Variants in SPOP observed in about 807,000 individuals in gnomAD.
SPOP encodes the protein speckle-type POZ protein.
SPOP carries 11 observed loss-of-function variants against 45.6 expected under a neutral mutation model. The observed-to-expected ratio is 0.24, with a 90% CI of 0.15 to 0.40. The LOEUF is 0.40. Among genes scored for constraint, SPOP ranks in the 10% least tolerant of loss-of-function variants. The pLI is 1.00. For missense variants in SPOP, 152 were observed against 465.6 expected (o/e 0.33, Z 6.20); for synonymous variants, 166 against 166.3 (o/e 1.00, Z 0.01).
intron 8 of SPOP, chr17:49,602,231 A>T (rs1014794873): frequency 1.3e-5 from 6 of 452,920 alleles, no homozygotes; most frequent in Non-Finnish European, 1.9e-5. Context: ...AGCTGCCATT[A>T]GAGTTCTAAA....
intron 1 of SPOP, among the ~76,000 whole-genome samples, chr17:49,628,609 T>C (rs2072386524): frequency 6.6e-6 from 1 of 152,100 alleles, no homozygotes; most frequent in African/African-American, 2.4e-5. Context: ...AGCACTGACA[T>C]GACATGCTCG....
intron 1 of SPOP, among the ~76,000 whole-genome samples, chr17:49,659,161 C>T (rs1326121356): frequency 1.3e-5 from 2 of 152,272 alleles, no homozygotes; most frequent in South Asian, 2.1e-4. Context: ...GGGGATGTTG[C>T]TATTTTCATA....
At chr17:49,677,622 C>T (rs2073218811) in intron 1 of SPOP, among the ~76,000 whole-genome samples, 1 of 151,438 alleles carries the variant, frequency 6.6e-6, no homozygotes. Context: ...CGCGCATGCG[C>T]AGTCACCCAT....
At chr17:49,609,596 T>G (rs944640955) in intron 6 of SPOP, among the ~76,000 whole-genome samples, 3 of 152,034 alleles carry the variant, frequency 2.0e-5, no homozygotes, top group African/African-American at 7.2e-5. Flanking sequence ...AACCAGAGAA[T>G]CAGGAGAGAG....
intron 1 of SPOP, among the ~76,000 whole-genome samples, chr17:49,637,856 A>G (rs2072571882): frequency 6.6e-6 from 1 of 152,248 alleles, no homozygotes; most frequent in Non-Finnish European, 1.5e-5. Flanking sequence ...GCATTTAAAC[A>G]AAGCCATGTA....
At chr17:49,675,181 A>G (rs749543409) in intron 1 of SPOP, among the ~76,000 whole-genome samples, 5 of 152,242 alleles carry the variant, frequency 3.3e-5, no homozygotes, top group Admixed American at 6.5e-5. Context: ...TGTACACAGA[A>G]TAAGTACATA....
At chr17:49,613,418 G>A (rs1040066319) in intron 5 of SPOP, among the ~76,000 whole-genome samples, 1 of 152,174 alleles carries the variant, frequency 6.6e-6, no homozygotes, top group Admixed American at 6.5e-5. Flanking sequence ...AGGTTGACAG[G>A]AGCCCAAAGT....
intron 1 of SPOP, among the ~76,000 whole-genome samples, chr17:49,625,232 C>T (rs1292585487): frequency 6.6e-6 from 1 of 152,166 alleles, no homozygotes; most frequent in Non-Finnish European, 1.5e-5. Context: ...AAACTAGAAA[C>T]ACACTGAAAA....
At chr17:49,651,057 CCA>C (rs1011000967) in intron 1 of SPOP, among the ~76,000 whole-genome samples, 29 of 152,108 alleles carry the variant, frequency 1.9e-4, no homozygotes, top group African/African-American at 6.8e-4. Context: ...TACTATCTCC[CCA>C]CAGTTATGTG....
chr17:49,667,768 A>G (rs1225709933), intron 1 of SPOP, among the ~76,000 whole-genome samples: 2 of 152,242 alleles, frequency 1.3e-5, no homozygotes, highest in Non-Finnish European at 2.9e-5. Flanking sequence ...AAGAACTGAA[A>G]GCAGGGTCTC....
chr17:49,627,698 G>A (rs558635230), intron 1 of SPOP, among the ~76,000 whole-genome samples: 3 of 152,270 alleles, frequency 2.0e-5, no homozygotes, highest in Admixed American at 1.3e-4. Flanking sequence ...TGCCTTAATT[G>A]TTGTTACTCA....
intron 1 of SPOP, chr17:49,636,829 T>C (rs1283163446): frequency 6.6e-6 from 1 of 152,212 alleles, no homozygotes; most frequent in African/African-American, 2.4e-5. Context: ...ATAGAGAATA[T>C]GAATCAGACT....
At chr17:49,659,941 A>G (rs1479796339) in intron 1 of SPOP, among the ~76,000 whole-genome samples, 2 of 152,132 alleles carry the variant, frequency 1.3e-5, no homozygotes, top group African/African-American at 4.8e-5. Flanking sequence ...CCTCTTCCTC[A>G]ACCCCCACAC....
At chr17:49,627,328 T>C (rs1373616714) in intron 1 of SPOP, among the ~76,000 whole-genome samples, 1 of 152,226 alleles carries the variant, frequency 6.6e-6, no homozygotes, top group African/African-American at 2.4e-5. Context: ...ACCTCCAAGA[T>C]AGGCTTGCAT....
At chr17:49,668,777 T>A (rs2073096321) in intron 1 of SPOP, among the ~76,000 whole-genome samples, 1 of 146,136 alleles carries the variant, frequency 6.8e-6, no homozygotes, top group South Asian at 2.1e-4. Context: ...ATACATATCT[T>A]TTTTTTTTTT....
chr17:49,640,853 CG>C (rs1475382076), intron 1 of SPOP, among the ~76,000 whole-genome samples: 1 of 152,112 alleles, frequency 6.6e-6, no homozygotes, highest in Non-Finnish European at 1.5e-5. Flanking sequence ...GAGCATTGTA[CG>C]TGTCATTTTC....
At chr17:49,639,520 C>T (rs552805928) in intron 1 of SPOP, among the ~76,000 whole-genome samples, 170 of 152,212 alleles carry the variant, frequency 1.1e-3, no homozygotes, top group Admixed American at 2.4e-3. Context: ...GTGGTATATT[C>T]ATATAACAGA....
intron 1 of SPOP, among the ~76,000 whole-genome samples, chr17:49,652,732 A>G (rs2072858868): frequency 6.6e-6 from 1 of 152,212 alleles, no homozygotes; most frequent in African/African-American, 2.4e-5. Flanking sequence ...TAGAATAGTC[A>G]GCTAGGAATT....
intron 1 of SPOP, among the ~76,000 whole-genome samples, chr17:49,657,364 T>C (rs570396246): frequency 1.3e-5 from 2 of 152,282 alleles, no homozygotes; most frequent in South Asian, 4.1e-4. Context: ...ATATGATTGA[T>C]GTATAAAGAT....
Sources: gnomAD v4.1 joint callset for allele counts (sites outside exome capture counted in the v4.1 genomes callset) on GRCh38, gnomAD v4.1.1 for gene constraint, MANE v1.5 for transcripts, NCBI Gene and HGNC (gene_info 2026-07-23, HGNC 2026-07-21) for gene names.